The following WHR1 variants were observed in gnomAD, a reference collection of about 807,000 sequenced individuals.
WHR1 encodes MHC class III HLA-RP1.
At chr6:31,979,479 TC>T in the WHR1 span, 2 of 1,612,928 alleles carry the variant, frequency 1.2e-6, no homozygotes, top group Non-Finnish European at 1.7e-6. Context: ...CTTCAGTACT[TC>T]CAGCCTGTGG....
At chr6:31,972,269 A>C in the WHR1 span, 2 of 1,613,122 alleles carry the variant, frequency 1.2e-6, no homozygotes, top group Non-Finnish European at 1.7e-6. The surrounding 1 kb of genome is among the most constrained non-coding windows in gnomAD (Gnocchi z 6.3). Flanking sequence ...AGGGACGACA[A>C]GTTGACGCTC....
the WHR1 span, among the ~76,000 whole-genome samples, chr6:31,975,602 GTT>G: frequency 8.0e-6 from 1 of 125,274 alleles, no homozygotes; most frequent in Admixed American, 7.8e-5. Context: ...CCAAAGTGCT[GTT>G]TTTTTTTTTT....
chr6:31,972,121 C>T, the WHR1 span: 5,968 of 1,613,054 alleles, frequency 3.7e-3, 22 homozygotes, highest in Non-Finnish European at 4.1e-3. This position sits in a 1 kb window ranked among gnomAD's most constrained non-coding sequence, Gnocchi z 6.3. Context: ...GCCACCGGCG[C>T]CCCTCCACGC....
At chr6:31,972,890 G>A in the WHR1 span, 1 of 1,433,324 alleles carries the variant, frequency 7.0e-7, no homozygotes, top group Non-Finnish European at 9.5e-7. The surrounding 1 kb of genome is among the most constrained non-coding windows in gnomAD (Gnocchi z 6.3). Context: ...GCACTGGGGT[G>A]CCACAGAGAC....
chr6:31,971,832 T>A, the WHR1 span: 1 of 1,332,208 alleles, frequency 7.5e-7, no homozygotes, highest in Non-Finnish European at 1.0e-6. This position sits in a 1 kb window ranked among gnomAD's most constrained non-coding sequence, Gnocchi z 4.5. Flanking sequence ...GCTCTCATCC[T>A]GCCTCTTTCC....
the WHR1 span, chr6:31,971,207 C>A: frequency 6.3e-7 from 1 of 1,580,434 alleles, no homozygotes; most frequent in Non-Finnish European, 8.6e-7. This position sits in a 1 kb window ranked among gnomAD's most constrained non-coding sequence, Gnocchi z 4.5. Flanking sequence ...ATGCTCCCCT[C>A]GAAGAATAGT....
At chr6:31,972,657 T>C in the WHR1 span, 2 of 1,613,664 alleles carry the variant, frequency 1.2e-6, no homozygotes, top group Non-Finnish European at 1.7e-6. The surrounding 1 kb of genome is among the most constrained non-coding windows in gnomAD (Gnocchi z 6.3). Context: ...CTCATGCAGC[T>C]GTTCCCGCGA....
the WHR1 span, among the ~76,000 whole-genome samples, chr6:31,977,976 C>T: frequency 2.0e-5 from 3 of 151,716 alleles, no homozygotes; most frequent in Admixed American, 1.3e-4. Flanking sequence ...TTAGTAGAGA[C>T]GGGGTTTTAC....
At chr6:31,971,284 G>C in the WHR1 span, 1 of 1,537,664 alleles carries the variant, frequency 6.5e-7, no homozygotes, top group Non-Finnish European at 8.8e-7. The surrounding 1 kb of genome is among the most constrained non-coding windows in gnomAD (Gnocchi z 4.5). Flanking sequence ...GGTAGGTACG[G>C]GTCTCCAGAT....
At chr6:31,978,801 C>T in the WHR1 span, 2 of 1,015,402 alleles carry the variant, frequency 2.0e-6, no homozygotes, top group Non-Finnish European at 1.4e-6. Flanking sequence ...AGAAAATGCC[C>T]CCATATTGGC....
At chr6:31,976,577 G>C in the WHR1 span, among the ~76,000 whole-genome samples, 1 of 151,958 alleles carries the variant, frequency 6.6e-6, no homozygotes, top group African/African-American at 2.4e-5. Context: ...GCCAGGCAGA[G>C]GGGCTCCTCA....
At chr6:31,976,868 C>T in the WHR1 span, among the ~76,000 whole-genome samples, 1 of 152,340 alleles carries the variant, frequency 6.6e-6, no homozygotes, top group East Asian at 1.9e-4. Flanking sequence ...ACAGCGAAAC[C>T]CCGTCTCCAC....
At chr6:31,972,318 G>C in the WHR1 span, 20 of 1,613,148 alleles carry the variant, frequency 1.2e-5, no homozygotes, top group Non-Finnish European at 1.6e-5. The surrounding 1 kb of genome is among the most constrained non-coding windows in gnomAD (Gnocchi z 6.3). Context: ...CGCCCGGGGA[G>C]ACCGTACGTC....
At chr6:31,975,602 G>GTT in the WHR1 span, among the ~76,000 whole-genome samples, 27 of 125,240 alleles carry the variant, frequency 2.2e-4, no homozygotes, top group Admixed American at 7.0e-4. Flanking sequence ...CCAAAGTGCT[G>GTT]TTTTTTTTTT....
chr6:31,979,377 G>A, the WHR1 span: 1 of 1,611,718 alleles, frequency 6.2e-7, no homozygotes, highest in African/African-American at 1.3e-5. Context: ...AGAGAGTGAG[G>A]GTGGGGATGG....
chr6:31,973,058 G>A, the WHR1 span: 1 of 654,612 alleles, frequency 1.5e-6, no homozygotes, highest in Non-Finnish European at 2.8e-6. Context: ...CATCAGTGTT[G>A]TTTCCATCTT....
the WHR1 span, among the ~76,000 whole-genome samples, chr6:31,973,759 T>C: frequency 6.6e-6 from 1 of 152,184 alleles, no homozygotes; most frequent in East Asian, 1.9e-4. Context: ...AGCTGAGTTA[T>C]TATGCCTGTG....
At chr6:31,975,993 G>C in the WHR1 span, among the ~76,000 whole-genome samples, 13 of 150,020 alleles carry the variant, frequency 8.7e-5, no homozygotes, top group Non-Finnish European at 1.6e-4. Context: ...CCGGGCAGAG[G>C]CGCCCCTCAC....
the WHR1 span, chr6:31,979,100 GC>G: frequency 1.6e-6 from 2 of 1,232,766 alleles, no homozygotes; most frequent in African/African-American, 3.0e-5. Flanking sequence ...GAATTTCCCT[GC>G]CCCCACATCC....
Sources: gnomAD v4.1 joint callset for allele counts (sites outside exome capture counted in the v4.1 genomes callset) on GRCh38, gnomAD v4.1.1 for gene constraint, Gnocchi (gnomAD v3.1) non-coding constraint, MANE v1.5 for transcripts, NCBI Gene and HGNC (gene_info 2026-07-23, HGNC 2026-07-21) for gene names.